Variants in PPM1E observed in about 807,000 individuals in gnomAD.
PPM1E encodes the protein protein phosphatase, Mg2+/Mn2+ dependent 1E, also known as protein phosphatase 1E.
Under a neutral mutation model 65.9 loss-of-function variants are expected in PPM1E, and 20 were observed. That is an observed-to-expected ratio of 0.30 (90% CI 0.21 to 0.44). The LOEUF is 0.44. Among genes scored for constraint, PPM1E ranks in the 20% least tolerant of loss-of-function variants. PPM1E has a pLI of 1.00. For missense variants in PPM1E, 713 were observed against 953.1 expected (o/e 0.75, Z 3.32); for synonymous variants, 352 against 374.9 (o/e 0.94, Z 0.70).
intron 2 of PPM1E, among the ~76,000 whole-genome samples, chr17:58,963,412 G>A (rs1427168157): frequency 6.7e-6 from 1 of 149,100 alleles, no homozygotes; most frequent in Non-Finnish European, 1.5e-5. Context: ...AACTTGGCCG[G>A]GCACAGTGGC....
intron 3 of PPM1E, 63 bp downstream of exon 3, chr17:58,965,956 T>C (rs2030209623): frequency 1.3e-6 from 2 of 1,505,122 alleles, no homozygotes; most frequent in African/African-American, 2.8e-5. Flanking sequence ...TTCATGGTCC[T>C]GTTAGAAAAG....
At chr17:58,939,062 A>G (rs2052024777) in intron 1 of PPM1E, among the ~76,000 whole-genome samples, 2 of 152,282 alleles carry the variant, frequency 1.3e-5, no homozygotes, top group South Asian at 4.1e-4. Flanking sequence ...TGCTGGGATT[A>G]CAGGTGTGCA....
At chr17:58,759,636 A>C (rs76711254) in intron 1 of PPM1E, among the ~76,000 whole-genome samples, 222 of 152,360 alleles carry the variant, frequency 1.5e-3, no homozygotes, top group Admixed American at 2.5e-3. Flanking sequence ...TATTGTCATC[A>C]TATTTTCAGA....
At chr17:58,779,964 T>C (rs1254909826) in intron 1 of PPM1E, among the ~76,000 whole-genome samples, 2 of 152,192 alleles carry the variant, frequency 1.3e-5, no homozygotes, top group Non-Finnish European at 2.9e-5. Flanking sequence ...CCGTTACAGG[T>C]GGATCATAAT....
In PPM1E at chr17:58,928,022, T is replaced by C. The variant is rs369031156; in HGVS notation, c.465-27627T>C. Among the ~76,000 whole-genome samples, 42 of 151,414 alleles carry C rather than the reference T, an allele frequency of 2.8e-4. No homozygotes were observed. The East Asian group carries it at 4.9e-3, about 18-fold the overall frequency. On this transcript the variant is annotated intron_variant, in intron 1 of 6. Transcript: ENST00000308249. Reference sequence around the variant, plus strand: ...TTGCAGCGAGCCAGGATCACACCACTGCACTCCAGCCTGGGCAACAGAGCA... The same window carrying C: ...TTGCAGCGAGCCAGGATCACACCACCGCACTCCAGCCTGGGCAACAGAGCA...
chr17:58,842,331 T>G (rs1053518698), intron 1 of PPM1E, among the ~76,000 whole-genome samples: 1 of 152,174 alleles, frequency 6.6e-6, no homozygotes, highest in Non-Finnish European at 1.5e-5. Flanking sequence ...AAAAGGACAT[T>G]AAGTAAAAAC....
At chr17:58,861,653 C>T (rs909675122) in intron 1 of PPM1E, among the ~76,000 whole-genome samples, 10 of 152,078 alleles carry the variant, frequency 6.6e-5, no homozygotes, top group Non-Finnish European at 1.2e-4. Context: ...TGGCTGGGCA[C>T]GGTGGCTCAC....
intron 1 of PPM1E, among the ~76,000 whole-genome samples, chr17:58,837,963 C>A (rs769246954): frequency 6.6e-6 from 1 of 152,184 alleles, no homozygotes; most frequent in Non-Finnish European, 1.5e-5. Context: ...CTGACAATAA[C>A]GTGTTGATAA....
intron 1 of PPM1E, among the ~76,000 whole-genome samples, chr17:58,799,073 G>A (rs886155682): frequency 2.0e-5 from 3 of 152,140 alleles, no homozygotes; most frequent in African/African-American, 7.2e-5. Context: ...GTGAGATAAA[G>A]CTTAAGGTTC....
At chr17:58,829,567 C>T (rs548338731) in intron 1 of PPM1E, among the ~76,000 whole-genome samples, 9 of 152,248 alleles carry the variant, frequency 5.9e-5, no homozygotes, top group East Asian at 3.9e-4. Context: ...CCAGACTGTA[C>T]GTGCTGTATA....
intron 1 of PPM1E, among the ~76,000 whole-genome samples, chr17:58,912,270 A>G (rs1245072315): frequency 6.6e-6 from 1 of 152,210 alleles, no homozygotes; most frequent in Non-Finnish European, 1.5e-5. Flanking sequence ...TGAGGCCTCC[A>G]AACCAAGGAC....
chr17:58,825,264 A>ACACACACACAC (rs1555612285), intron 1 of PPM1E, among the ~76,000 whole-genome samples: 1 of 142,684 alleles, frequency 7.0e-6, no homozygotes, highest in African/African-American at 2.6e-5. Context: ...ACACACACAC[A>ACACACACACAC]AAAATAAATA....
chr17:58,879,365 G>A (rs1166115638), intron 1 of PPM1E, among the ~76,000 whole-genome samples: 1 of 150,688 alleles, frequency 6.6e-6, no homozygotes, highest in Non-Finnish European at 1.5e-5. Context: ...CTGGACTCAA[G>A]CAATCCTGCT....
chr17:58,910,181 G>T (rs1360234560), intron 1 of PPM1E, among the ~76,000 whole-genome samples: 1 of 151,808 alleles, frequency 6.6e-6, no homozygotes, highest in Admixed American at 6.6e-5. Context: ...TGAGTATTCT[G>T]TTCTGTTTTT....
intron 1 of PPM1E, among the ~76,000 whole-genome samples, chr17:58,881,984 A>T (rs1156841596): frequency 1.5e-5 from 2 of 130,382 alleles, no homozygotes; most frequent in Non-Finnish European, 3.2e-5. Flanking sequence ...ACATGGTGAA[A>T]CCCTGTCTCT....
chr17:58,941,079 A>G (rs1160040128), intron 1 of PPM1E, among the ~76,000 whole-genome samples: 1 of 152,244 alleles, frequency 6.6e-6, no homozygotes, highest in Non-Finnish European at 1.5e-5. Context: ...AAAAATTCAT[A>G]TAGGTAAAAC....
intron 1 of PPM1E, among the ~76,000 whole-genome samples, chr17:58,877,577 G>A (rs898458797): frequency 1.3e-5 from 2 of 152,040 alleles, no homozygotes; most frequent in African/African-American, 4.8e-5. Context: ...GTTATAAATG[G>A]TAGGTTCCTA....
chr17:58,812,303 CAAAAAAAAAAAAAAAA>C lies in PPM1E; in HGVS notation c.464+55853_464+55868del, dbSNP rs35132799. 4.5e-3 allele frequency among the ~76,000 whole-genome samples: 226 copies of C among 49,796 alleles called. 1 individual carries two copies. Among genetic ancestry groups the C allele is most frequent in the African/African-American group, 0.016 (215 of 13,160 alleles). 32.7% of individuals were successfully genotyped at this position (49,796 alleles called of 152,430 possible). On this transcript the variant is annotated intron_variant, in intron 1 of 6. Coordinates refer to ENST00000308249, the MANE Select transcript of PPM1E (RefSeq NM_014906.5). Reference sequence around the variant, plus strand: ...TGGGCGACAGAGCAAGACTCTGTTTCAAAAAAAAAAAAAAAAAAAAAAAAAAGAATAGGGAGTTCTA... The same window carrying C: ...TGGGCGACAGAGCAAGACTCTGTTTCAAAAAAAAAAGAATAGGGAGTTCTA...
At chr17:58,766,192 TTC>T (rs1477310627) in intron 1 of PPM1E, among the ~76,000 whole-genome samples, 2 of 137,994 alleles carry the variant, frequency 1.4e-5, no homozygotes, top group African/African-American at 5.6e-5. Flanking sequence ...TTTTTGTAAT[TTC>T]TGTTTTTTTT....
Sources: allele counts gnomAD v4.1 joint callset (sites outside exome capture counted in the v4.1 genomes callset), GRCh38; gene constraint gnomAD v4.1.1; transcripts MANE v1.5; gene names NCBI Gene and HGNC (gene_info 2026-07-23, HGNC 2026-07-21).